SLCO3A1: variants seen among roughly 807,000 people sequenced by gnomAD.
SLCO3A1 encodes PGE1 transporter.
In SLCO3A1, 27 loss-of-function variants were observed where a neutral mutation model predicts 63.1. That is an observed-to-expected ratio of 0.43 (90% CI 0.32 to 0.59). The LOEUF (loss-of-function observed/expected upper bound fraction) is 0.59. SLCO3A1 is among the 20% of genes least tolerant of loss of function. The probability of loss-of-function intolerance (pLI) is 0.09; values close to 1 mark genes in which losing one functional copy is unlikely to be tolerated. For missense variants in SLCO3A1, 773 were observed against 945.8 expected (o/e 0.82, Z 2.40); for synonymous variants, 473 against 409.9 (o/e 1.15, Z -1.86).
intron 3 of SLCO3A1, among the ~76,000 whole-genome samples, chr15:92,101,886 C>G (rs2047609360): frequency 6.6e-6 from 1 of 152,118 alleles, no homozygotes; most frequent in African/African-American, 2.4e-5. Flanking sequence ...GAGCCAGCGT[C>G]AGCTTTCCCC....
chr15:92,014,636 A>G (rs1476773549), intron 2 of SLCO3A1, among the ~76,000 whole-genome samples: 1 of 152,142 alleles, frequency 6.6e-6, no homozygotes, highest in Non-Finnish European at 1.5e-5. Context: ...TGTCCACTAA[A>G]ACACTTGCCT....
At chr15:92,147,988 T>G (rs7494944) in intron 8 of SLCO3A1, among the ~76,000 whole-genome samples, 70,507 of 152,022 alleles carry the variant, frequency 0.46, 16,550 homozygotes, top group Admixed American at 0.53. Context: ...AGGCCAAGGC[T>G]GGAGGATCGC....
intron 2 of SLCO3A1, among the ~76,000 whole-genome samples, chr15:92,060,208 A>G (rs1166522928): frequency 1.3e-5 from 2 of 151,806 alleles, no homozygotes; most frequent in Non-Finnish European, 2.9e-5. Flanking sequence ...AGTATTGTAC[A>G]CTCCTGTACC....
intron 7 of SLCO3A1, among the ~76,000 whole-genome samples, chr15:92,136,804 AT>A (rs2048063108): frequency 6.6e-6 from 1 of 151,510 alleles, no homozygotes; most frequent in African/African-American, 2.4e-5. Context: ...ATCCTTCTGG[AT>A]TTTTTACTGC....
At chr15:91,907,467 A>G (rs1340334453) in intron 1 of SLCO3A1, among the ~76,000 whole-genome samples, 2 of 151,414 alleles carry the variant, frequency 1.3e-5, no homozygotes, top group African/African-American at 4.9e-5. Flanking sequence ...TGGCCTCCCA[A>G]AGTGCTAGGA....
In SLCO3A1 at chr15:91,854,322, G is replaced by C. The variant is rs1156370291; in HGVS notation, c.180+234G>C. ...TGCCGGTAGCAGCTCGCGCGCGTCC[G>C]GCTGGGGCAGGGGGTGCCGGGGGAG... On this transcript the variant is annotated intron_variant, in intron 1 of 9. Transcript: ENST00000318445. The surrounding 1 kb of genome is among the most constrained non-coding windows in gnomAD (Gnocchi z 6.4). The C allele has an allele frequency of 6.1e-6, 7 of 1,143,560 alleles. No homozygotes were observed. In the African/African-American group the frequency reaches 6.5e-5, roughly 11 times the overall value. 70.8% of individuals were successfully genotyped at this position (1,143,560 alleles called of 1,614,324 possible). A position where few individuals can be genotyped will look rare whatever the true frequency, so the allele number is the denominator to read the frequency against.
At chr15:92,001,308 G>T (rs1172848230) in intron 2 of SLCO3A1, among the ~76,000 whole-genome samples, 3 of 152,148 alleles carry the variant, frequency 2.0e-5, no homozygotes, top group Non-Finnish European at 4.4e-5. Flanking sequence ...AATGGGCAAG[G>T]CATCCAGCTT....
chr15:92,093,538 G>A (rs1463792819), intron 2 of SLCO3A1, among the ~76,000 whole-genome samples: 6 of 152,052 alleles, frequency 3.9e-5, no homozygotes, highest in Non-Finnish European at 8.8e-5. Flanking sequence ...TATATTACGC[G>A]GCTTCCTTTG....
chr15:92,040,812 A>G (rs1276507374), intron 2 of SLCO3A1, among the ~76,000 whole-genome samples: 1 of 152,242 alleles, frequency 6.6e-6, no homozygotes, highest in East Asian at 1.9e-4. Context: ...TGGGTCTCAA[A>G]CATCAAAAGT....
In SLCO3A1 at chr15:91,865,414, A is replaced by C. The variant is rs1485478988; in HGVS notation, c.180+11326A>C. Among the ~76,000 whole-genome samples the C allele has an allele frequency of 2.6e-5, 4 of 152,182 alleles. No individual in the cohort carries two copies. The highest frequency in any genetic ancestry group is 9.7e-5 in the African/African-American group (4 of 41,432). ...GTGGATGAGATGGTAGGCATTTCAG[A>C]AGGAAAAAACCAGGTCTATTCATTA... On this transcript the variant is annotated intron_variant, in intron 1 of 9. Transcript: ENST00000318445. This position sits in a 1 kb window ranked among gnomAD's most constrained non-coding sequence, Gnocchi z 4.6.
At chr15:92,067,213 C>A (rs537830896) in intron 2 of SLCO3A1, among the ~76,000 whole-genome samples, 73 of 152,328 alleles carry the variant, frequency 4.8e-4, no homozygotes, top group Non-Finnish European at 9.3e-4. Context: ...GAGCCCTGTA[C>A]ACCATGCAGG....
At chr15:91,960,760 T>C (rs1900415646) in intron 2 of SLCO3A1, among the ~76,000 whole-genome samples, 1 of 152,188 alleles carries the variant, frequency 6.6e-6, no homozygotes, top group Non-Finnish European at 1.5e-5. Flanking sequence ...ATGAGAAGTG[T>C]TTCAGATTTT....
chr15:92,113,710 G>A lies in SLCO3A1; in HGVS notation c.1010-6755G>A, dbSNP rs531471805. ...CCGGAGGCTGCCCCATCTGGGGCCA[G>A]TGTGTGGCAGGCACTTGCTTTTAGA... On this transcript the variant is annotated intron_variant, in intron 4 of 9. Coordinates refer to ENST00000318445, the MANE Select transcript of SLCO3A1 (RefSeq NM_013272.4). 3.4e-4 allele frequency among the ~76,000 whole-genome samples: 52 copies of A among 152,352 alleles called. No homozygotes were observed. The South Asian group carries it at 0.011, about 31-fold the overall frequency.
intron 1 of SLCO3A1, among the ~76,000 whole-genome samples, chr15:91,888,380 T>G (rs1897780622): frequency 6.6e-6 from 1 of 152,218 alleles, no homozygotes; most frequent in Admixed American, 6.5e-5. Context: ...GCTGTTGCCC[T>G]TTGCTCTTCA....
intron 2 of SLCO3A1, among the ~76,000 whole-genome samples, chr15:91,924,858 A>G (rs562488803): frequency 4.6e-5 from 7 of 152,234 alleles, no homozygotes; most frequent in South Asian, 2.1e-4. Flanking sequence ...AACCAAAACC[A>G]TTTGTGGCTG....
At chr15:92,003,618 G>A (rs1468188119) in intron 2 of SLCO3A1, among the ~76,000 whole-genome samples, 1 of 152,212 alleles carries the variant, frequency 6.6e-6, no homozygotes, top group African/African-American at 2.4e-5. Flanking sequence ...TCATGGGAAA[G>A]GTCAGGAGTT....
At chr15:92,046,541 G>A (rs1475645909) in intron 2 of SLCO3A1, among the ~76,000 whole-genome samples, 1 of 151,970 alleles carries the variant, frequency 6.6e-6, no homozygotes, top group East Asian at 1.9e-4. Flanking sequence ...AAAAACAAAA[G>A]AGTATTTTCT....
intron 2 of SLCO3A1, among the ~76,000 whole-genome samples, chr15:91,926,596 T>TGTGTGTGTGTGCGCGCGCGCGCGCGC: frequency 3.8e-5 from 4 of 105,256 alleles, no homozygotes; most frequent in African/African-American, 1.5e-4. Flanking sequence ...TGTGTGTGTG[T>TGTGTGTGTGTGCGCGCGCGCGCGCGC]GCGCGCGCGC....
chr15:92,043,723 T>G (rs750137987), intron 2 of SLCO3A1, among the ~76,000 whole-genome samples: 28 of 152,240 alleles, frequency 1.8e-4, no homozygotes, highest in Non-Finnish European at 1.2e-4. Context: ...TTCCACATAA[T>G]GACAACCACT....
Sources: gnomAD v4.1 joint callset for allele counts (sites outside exome capture counted in the v4.1 genomes callset) on GRCh38, gnomAD v4.1.1 for gene constraint, Gnocchi (gnomAD v3.1) non-coding constraint, MANE v1.5 for transcripts, NCBI Gene and HGNC (gene_info 2026-07-23, HGNC 2026-07-21) for gene names.